Variants in RBM33 observed in about 807,000 individuals in gnomAD.
The protein encoded by RBM33 is RNA binding motif protein 33.
In RBM33, 28 loss-of-function variants were observed where a neutral mutation model predicts 132.6. The ratio of observed to expected loss-of-function variants is 0.21; its 90% CI spans 0.16 to 0.29. The LOEUF is 0.29. RBM33 is among the 10% of genes least tolerant of loss of function. The pLI is 1.00. For synonymous variants in RBM33, 634 were observed against 593.0 expected, an observed-to-expected ratio of 1.07 and a Z score of -1.01; for missense variants, 1,291 against 1,518.5, an observed-to-expected ratio of 0.85 and a Z score of 2.49.
intron 5 of RBM33, among the ~76,000 whole-genome samples, chr7:155,695,857 GTTGTTATC>G (rs1799779457): frequency 6.6e-6 from 1 of 152,104 alleles, no homozygotes; most frequent in South Asian, 2.1e-4. Context: ...TTACTCCAAA[GTTGTTATC>G]TTGTTTTCTT....
At chr7:155,730,009 G>A (rs1247366682) in intron 9 of RBM33, among the ~76,000 whole-genome samples, 2 of 152,206 alleles carry the variant, frequency 1.3e-5, no homozygotes, top group African/African-American at 2.4e-5. Flanking sequence ...TTTACAGCAT[G>A]CCGCAGTACT....
At chr7:155,759,712 G>C (rs537494538) in intron 14 of RBM33, among the ~76,000 whole-genome samples, 29 of 152,166 alleles carry the variant, frequency 1.9e-4, no homozygotes, top group Non-Finnish European at 3.2e-4. Context: ...AATTACTACA[G>C]TGTTATGTGT....
intron 6 of RBM33, among the ~76,000 whole-genome samples, chr7:155,705,703 T>C (rs1271024113): frequency 6.6e-6 from 1 of 152,224 alleles, no homozygotes; most frequent in Non-Finnish European, 1.5e-5. Context: ...GCTAGTGTTG[T>C]AAAAGGACCA....
At chr7:155,716,425 A>G (rs909002820) in intron 8 of RBM33, among the ~76,000 whole-genome samples, 2 of 149,040 alleles carry the variant, frequency 1.3e-5, no homozygotes, top group Non-Finnish European at 3.0e-5. Flanking sequence ...ATTGCTTTCT[A>G]GAAATCCCAC....
At position 155,707,020 on chromosome 7, in the gene RBM33, G is replaced by A. The variant is rs765661886; in HGVS notation, c.900G>A (p.Arg300=). ...GGAGAGAGAGCACCGAGAGGGGCAG[G>A]ATGAAGGACCACAGACCTGCGCTGC... ...DQRRESTERG[R]MKDHRPALLP... The change falls in exon 7 of 18, where the codon AGG becomes AGA. Residue 300 remains arginine (R), a synonymous_variant. Transcript: ENST00000401878. 1 of 1,578,022 alleles carries A rather than the reference G, an allele frequency of 6.3e-7. No individual in the cohort carries two copies. Among genetic ancestry groups the A allele is most frequent in the Non-Finnish European group, 8.6e-7 (1 of 1,161,822 alleles).
intron 9 of RBM33, among the ~76,000 whole-genome samples, chr7:155,735,720 T>TCTCTCTCTCTCTCC (rs1801103409): frequency 8.0e-6 from 1 of 124,978 alleles, no homozygotes; most frequent in Non-Finnish European, 1.6e-5. Flanking sequence ...TCTCTCTCTG[T>TCTCTCTCTCTCTCC]CTCTCTCTCT....
chr7:155,673,760 G>GCGCGCACGCGCA (rs1202897051), intron 3 of RBM33, among the ~76,000 whole-genome samples: 1 of 30,868 alleles, frequency 3.2e-5, no homozygotes, highest in Non-Finnish European at 8.1e-5. Context: ...ATATACGCGC[G>GCGCGCACGCGCA]CATGCGCGCA....
Position 155,673,940 on chromosome 7 carries a change from G to GTTGTTGTTTTTTTTTTGTTT in RBM33, c.171+1027_171+1028insGTTGTTTTTTTTTTGTTTTT. ...TCATTATCAAGATAGTTTAGGCTTA[G>GTTGTTGTTTTTTTTTTGTTT]TTTTTTTTTTTTTTTTTTTTTTTTT... On this transcript the variant is annotated intron_variant, in intron 3 of 17. Coordinates refer to ENST00000401878, the MANE Select transcript of RBM33 (RefSeq NM_053043.3). Among the ~76,000 whole-genome samples the GTTGTTGTTTTTTTTTTGTTT allele has an allele frequency of 4.4e-4, 24 of 54,214 alleles. 3 individuals are homozygous for GTTGTTGTTTTTTTTTTGTTT. The highest frequency in any genetic ancestry group is 1.7e-3 in the African/African-American group (21 of 12,118). The allele number at this position is 54,214 out of a possible 152,430, so 35.6% of individuals were successfully genotyped here.
chr7:155,648,492 T>C (rs1798262997), intron 1 of RBM33, among the ~76,000 whole-genome samples: 1 of 152,176 alleles, frequency 6.6e-6, no homozygotes, highest in South Asian at 2.1e-4. Flanking sequence ...TTCGAAATTG[T>C]GAAAGTGAAA....
chr7:155,773,343 G>A (rs770947207), intron 16 of RBM33, among the ~76,000 whole-genome samples: 6 of 151,928 alleles, frequency 3.9e-5, no homozygotes, highest in African/African-American at 7.3e-5. Flanking sequence ...AGGCAGAGGC[G>A]GATCATGAGG....
intron 9 of RBM33, 92 bp from the exon 10 acceptor site, chr7:155,737,438 G>A (rs1324884348): frequency 1.5e-6 from 2 of 1,362,590 alleles, no homozygotes; most frequent in Non-Finnish European, 1.9e-6. Flanking sequence ...ACATTTTTGA[G>A]GAAAACTTGG....
intron 9 of RBM33, among the ~76,000 whole-genome samples, chr7:155,728,849 G>T (rs2117009186): frequency 6.6e-6 from 1 of 152,334 alleles, no homozygotes; most frequent in East Asian, 1.9e-4. Flanking sequence ...TTGAATTCAA[G>T]TTCTGCCACT....
rs144554634 is a variant in RBM33, at chr7:155,645,970, T to C, written c.43+1051T>C. ...TCGCTTCTGGCAATTTGGTTTGCTA[T>C]ATGCCACTTTTCTTTCAGTTTAAAT... On this transcript the variant is annotated intron_variant, in intron 1 of 17. Coordinates refer to ENST00000401878, the MANE Select transcript of RBM33 (RefSeq NM_053043.3). Among the ~76,000 whole-genome samples the C allele has an allele frequency of 2.6e-4, 39 of 152,376 alleles. 2 individuals are homozygous for C. In the East Asian group the frequency reaches 6.2e-3, roughly 24 times the overall value.
intron 1 of RBM33, among the ~76,000 whole-genome samples, chr7:155,646,300 A>G (rs1216123814): frequency 1.3e-5 from 2 of 152,234 alleles, no homozygotes; most frequent in South Asian, 2.1e-4. Context: ...TAAAATAGTA[A>G]TATCACTGAA....
At chr7:155,773,249 C>A (rs10254914) in intron 16 of RBM33, among the ~76,000 whole-genome samples, 1 of 152,038 alleles carries the variant, frequency 6.6e-6, no homozygotes, top group Non-Finnish European at 1.5e-5. Flanking sequence ...CATGCCAGGA[C>A]CTGCCCAGGG....
At chr7:155,733,028 G>A (rs567065536) in intron 9 of RBM33, among the ~76,000 whole-genome samples, 4 of 152,326 alleles carry the variant, frequency 2.6e-5, no homozygotes, top group Admixed American at 2.6e-4. Context: ...CTGATACAGG[G>A]AGGTGGCCAG....
At chr7:155,763,524 T>G (rs986179320) in intron 14 of RBM33, among the ~76,000 whole-genome samples, 8 of 152,252 alleles carry the variant, frequency 5.3e-5, no homozygotes, top group African/African-American at 1.9e-4. Flanking sequence ...ATAACCAGTA[T>G]TTCACGGAAT....
intron 14 of RBM33, among the ~76,000 whole-genome samples, chr7:155,760,472 C>T (rs759032831): frequency 5.9e-5 from 9 of 152,178 alleles, no homozygotes; most frequent in Non-Finnish European, 1.2e-4. Flanking sequence ...CATGGGCCCT[C>T]ATGGGACCTG....
rs200441063 is a variant in RBM33 at position 155,673,402 on chromosome 7, TTGTGTGTGTG to T, written c.171+517_171+526del. On this transcript the variant is annotated intron_variant, in intron 3 of 17. Transcript: ENST00000401878. Reference sequence around the variant, plus strand: ...AAATTTGTATATCTATTTATATATATTGTGTGTGTGTGTGTGTGTGTGTGTGTGTGTGTGT... The same window carrying T: ...AAATTTGTATATCTATTTATATATATTGTGTGTGTGTGTGTGTGTGTGTGT... 6.3e-3 allele frequency among the ~76,000 whole-genome samples: 285 copies of T among 45,168 alleles called. 2 individuals are homozygous for T. Among genetic ancestry groups the T allele is most frequent in the African/African-American group, 0.031 (207 of 6,766 alleles). The allele number at this position is 45,168 out of a possible 152,430, so 29.6% of individuals were successfully genotyped here.
Sources: allele counts gnomAD v4.1 joint callset (sites outside exome capture counted in the v4.1 genomes callset), GRCh38; gene constraint gnomAD v4.1.1; transcripts MANE v1.5; gene names NCBI Gene and HGNC (gene_info 2026-07-23, HGNC 2026-07-21).